Variants in TSG101 observed in about 807,000 individuals in gnomAD.
TSG101 encodes the protein tumor susceptibility 101.
TSG101 carries 19 observed loss-of-function variants against 48.5 expected under a neutral mutation model. The ratio of observed to expected loss-of-function variants is 0.39; its 90% CI spans 0.27 to 0.58. TSG101 has a LOEUF of 0.58. Ranked by LOEUF, TSG101 falls within the 20% of genes least tolerant of loss-of-function variation. The pLI is 0.55. For synonymous variants in TSG101, 174 were observed against 169.4 expected (o/e 1.03, Z -0.21); for missense variants, 365 against 484.4 (o/e 0.75, Z 2.31).
intron 7 of TSG101, among the ~76,000 whole-genome samples, chr11:18,484,610 G>A (rs1172062420): frequency 6.6e-6 from 1 of 152,008 alleles, no homozygotes; most frequent in Non-Finnish European, 1.5e-5. Flanking sequence ...CAGAACAGAT[G>A]AACAAAAAAG....
chr11:18,481,179 A>T (rs932643163), intron 9 of TSG101, among the ~76,000 whole-genome samples: 1 of 152,194 alleles, frequency 6.6e-6, no homozygotes, highest in Non-Finnish European at 1.5e-5. Flanking sequence ...GCTTGAGACA[A>T]CTTTCATACA....
At chr11:18,515,754 A>C (rs902092509) in intron 3 of TSG101, among the ~76,000 whole-genome samples, 3 of 152,240 alleles carry the variant, frequency 2.0e-5, no homozygotes, top group Non-Finnish European at 4.4e-5. Context: ...TTTGAAGCCT[A>C]TATCTTAGCT....
chr11:18,498,044 C>G (rs1351786615), intron 7 of TSG101, among the ~76,000 whole-genome samples: 1 of 150,804 alleles, frequency 6.6e-6, no homozygotes, highest in Non-Finnish European at 1.5e-5. Context: ...TTCTATATAC[C>G]AAGCACTCTT....
rs1849585188 is a variant in TSG101 at position 18,484,067 on chromosome 11, T to C, written c.646A>G (p.Ser216Gly). Residue 216 changes from serine (S) to glycine (G), a missense_variant, in exon 8 of 10, where the codon AGT becomes GGT. Coordinates refer to ENST00000251968, the MANE Select transcript of TSG101 (RefSeq NM_006292.4). ...TCCTCGCTGATTGTGCCATCCCTAC[T>C]GGGACCTGCAGGAAACAGAGGCAAA... The part of the protein sequence containing the change: ...SQPPVTTVGP[S>G]RDGTISEDTI... 13 of 1,614,104 alleles carry C rather than the reference T, an allele frequency of 8.1e-6. No homozygotes were observed. The highest frequency in any genetic ancestry group is 1.1e-5 in the Non-Finnish European group (13 of 1,179,968).
chr11:18,481,247 A>G, intron 9 of TSG101: 1 of 978,280 alleles, frequency 1.0e-6, no homozygotes, highest in East Asian at 1.1e-4. Flanking sequence ...CTAAAGTTAT[A>G]TAACTCTAAG....
chr11:18,490,944 C>T, intron 7 of TSG101: 1 of 333,688 alleles, frequency 3.0e-6, no homozygotes, highest in East Asian at 7.6e-5. Flanking sequence ...TACCAGCTCA[C>T]TTTTATCCAG....
chr11:18,492,174 G>A (rs1172174229), intron 7 of TSG101, among the ~76,000 whole-genome samples: 2 of 152,156 alleles, frequency 1.3e-5, no homozygotes, highest in Admixed American at 6.5e-5. Flanking sequence ...AACCTTTCTA[G>A]AAGAACCTGT....
At chr11:18,488,856 T>C (rs1238636329) in intron 7 of TSG101, among the ~76,000 whole-genome samples, 1 of 152,136 alleles carries the variant, frequency 6.6e-6, no homozygotes, top group African/African-American at 2.4e-5. Context: ...CCGGGCGCAG[T>C]GGCTCACACC....
chr11:18,486,333 G>A (rs1034559409), intron 7 of TSG101, among the ~76,000 whole-genome samples: 1 of 152,250 alleles, frequency 6.6e-6, no homozygotes, highest in Non-Finnish European at 1.5e-5. Context: ...CAGGCAGGGT[G>A]TCGCTCGTCA....
At chr11:18,517,442 T>G (rs867278732) in intron 2 of TSG101, among the ~76,000 whole-genome samples, 2 of 152,216 alleles carry the variant, frequency 1.3e-5, no homozygotes, top group Non-Finnish European at 2.9e-5. Flanking sequence ...AATTTGGAAT[T>G]AACACTATAC....
At chr11:18,505,171 T>A (rs980635184) in intron 6 of TSG101, among the ~76,000 whole-genome samples, 1 of 152,176 alleles carries the variant, frequency 6.6e-6, no homozygotes, top group Middle Eastern at 3.2e-3. Flanking sequence ...CTGGGTTATA[T>A]GAAACTAAGA....
At chr11:18,511,063 T>A (rs1159575192) in intron 4 of TSG101, 1 of 152,250 alleles carries the variant, frequency 6.6e-6, no homozygotes, top group Non-Finnish European at 1.5e-5. Flanking sequence ...ATTTTGTGTA[T>A]ATCTCATCTC....
chr11:18,489,637 A>G (rs1012496842), intron 7 of TSG101, among the ~76,000 whole-genome samples: 1 of 152,130 alleles, frequency 6.6e-6, no homozygotes, highest in African/African-American at 2.4e-5. Context: ...AAAGAATTTA[A>G]ATTTCAGGAT....
chr11:18,484,725 T>C (rs1228821819), intron 7 of TSG101, among the ~76,000 whole-genome samples: 1 of 152,208 alleles, frequency 6.6e-6, no homozygotes. Context: ...ATCATTTCCA[T>C]GCATATTTCA....
rs1301512159 is a variant in TSG101, at chr11:18,516,543, A to G, written c.128-379T>C. 5.3e-5 allele frequency among the ~76,000 whole-genome samples: 8 copies of G among 151,838 alleles called. No homozygotes were observed. The East Asian group carries it at 1.6e-3, about 30-fold the overall frequency. Reference sequence around the variant, plus strand: ...GTATCTTTAGTAGAGATGGGGCTTCACCATGTTGGCTAGGCTGGTCTCGAA... The same window carrying G: ...GTATCTTTAGTAGAGATGGGGCTTCGCCATGTTGGCTAGGCTGGTCTCGAA... On this transcript the variant is annotated intron_variant, in intron 2 of 9. Coordinates refer to ENST00000251968, the MANE Select transcript of TSG101 (RefSeq NM_006292.4).
chr11:18,526,842 C>T lies in TSG101; in HGVS notation c.-26G>A, dbSNP rs1477101509. ...GACGGCCGCCTGGCGACTCCCTTCC[C>T]CGCAGGCAGAGGGTCAGCCGCTGCT... On this transcript the variant is annotated 5_prime_UTR_variant, in exon 1 of 10. Coordinates refer to ENST00000251968, the MANE Select transcript of TSG101 (RefSeq NM_006292.4). 6.3e-7 allele frequency: 1 copy of T among 1,597,272 alleles called. No homozygotes were observed. The highest frequency in any genetic ancestry group is 8.5e-7 in the Non-Finnish European group (1 of 1,177,672).
At chr11:18,485,745 G>T (rs1196838458) in intron 7 of TSG101, among the ~76,000 whole-genome samples, 1 of 152,172 alleles carries the variant, frequency 6.6e-6, no homozygotes, top group East Asian at 1.9e-4. Context: ...CATGTGGTTG[G>T]AAACAGTGCT....
At chr11:18,483,761 A>G in intron 8 of TSG101, 109 bp downstream of exon 8, 2 of 1,133,814 alleles carry the variant, frequency 1.8e-6, no homozygotes, top group Non-Finnish European at 2.6e-6. Flanking sequence ...AAAGATGCCT[A>G]TAATTTTCTG....
rs1184567841 is a variant in TSG101 at position 18,480,411 on chromosome 11, C to T, written c.*135G>A. 4.5e-6 allele frequency: 3 copies of T among 668,834 alleles called. No individual in the cohort carries two copies. The highest frequency in any genetic ancestry group is 7.1e-6 in the Non-Finnish European group (3 of 419,738). The allele number at this position is 668,834 out of a possible 1,614,324, so 41.4% of individuals were successfully genotyped here. Reference sequence around the variant, plus strand: ...AAAGCCAGTCTTTACCAAAAGAAAACAGAAAATATATTATTGATTCAAAAT... The same window carrying T: ...AAAGCCAGTCTTTACCAAAAGAAAATAGAAAATATATTATTGATTCAAAAT... On this transcript the variant is annotated 3_prime_UTR_variant, in exon 10 of 10. Transcript: ENST00000251968.
Sources: gnomAD v4.1 joint callset for allele counts (sites outside exome capture counted in the v4.1 genomes callset) on GRCh38, gnomAD v4.1.1 for gene constraint, MANE v1.5 for transcripts, NCBI Gene and HGNC (gene_info 2026-07-23, HGNC 2026-07-21) for gene names.